The following SLC25A26 variants were observed in gnomAD, a reference collection of about 807,000 sequenced individuals.
SLC25A26 encodes mitochondrial S-adenosylmethionine carrier protein.
A neutral mutation model predicts 37.8 loss-of-function variants in SLC25A26; 36 were observed. That is an observed-to-expected ratio of 0.95 (90% confidence interval 0.73 to 1.26). The LOEUF is 1.26. Ranked by LOEUF, SLC25A26 falls within the 50% of genes most tolerant of loss-of-function variation. SLC25A26 has a pLI of 0.00. For synonymous variants in SLC25A26, 129 were observed against 122.5 expected (o/e 1.05, Z -0.35); for missense variants, 390 against 331.1 (o/e 1.18, Z -1.38).
intron 1 of SLC25A26, among the ~76,000 whole-genome samples, chr3:66,137,461 C>T (rs1380894758): frequency 6.6e-6 from 1 of 152,158 alleles, no homozygotes; most frequent in African/African-American, 2.4e-5. Context: ...CTCCTGACCA[C>T]AGGGGATCCA....
At chr3:66,250,388 G>A (rs1476489098) in intron 3 of SLC25A26, among the ~76,000 whole-genome samples, 1 of 152,218 alleles carries the variant, frequency 6.6e-6, no homozygotes, top group African/African-American at 2.4e-5. Context: ...AGGAACTATA[G>A]ACGGTCCGTG....
chr3:66,209,088 AT>A (rs2071233084), intron 1 of SLC25A26, among the ~76,000 whole-genome samples: 6 of 35,598 alleles, frequency 1.7e-4, no homozygotes, highest in African/African-American at 1.7e-4. Context: ...CCATATAAAG[AT>A]GTATATATAT....
intron 1 of SLC25A26, among the ~76,000 whole-genome samples, chr3:66,142,894 G>A (rs1159039208): frequency 6.6e-6 from 1 of 152,080 alleles, no homozygotes; most frequent in Non-Finnish European, 1.5e-5. Context: ...CTCCTGAGTA[G>A]CTGGGATTAC....
At chr3:66,174,589 G>A (rs748816035) in intron 1 of SLC25A26, among the ~76,000 whole-genome samples, 2 of 152,130 alleles carry the variant, frequency 1.3e-5, no homozygotes, top group Non-Finnish European at 1.5e-5. Context: ...GACCATCCTG[G>A]CTAACACGGT....
chr3:66,260,121 G>A (rs1173734391), intron 3 of SLC25A26, among the ~76,000 whole-genome samples: 1 of 152,024 alleles, frequency 6.6e-6, no homozygotes, highest in Non-Finnish European at 1.5e-5. Flanking sequence ...TGTAATCTTG[G>A]GCAGTTTCTC....
chr3:66,304,369 C>G, intron 5 of SLC25A26: 1 of 451,518 alleles, frequency 2.2e-6, no homozygotes, highest in Non-Finnish European at 4.4e-6. Context: ...TGTCTCATAT[C>G]TAAGCTAATA....
intron 5 of SLC25A26, among the ~76,000 whole-genome samples, chr3:66,327,883 G>A (rs2075876889): frequency 7.9e-6 from 1 of 126,638 alleles, no homozygotes; most frequent in African/African-American, 3.3e-5. Context: ...TACAAGTAGG[G>A]GATTTTTTTT....
intron 1 of SLC25A26, among the ~76,000 whole-genome samples, chr3:66,186,632 T>C (rs1042228925): frequency 2.1e-4 from 32 of 152,114 alleles, no homozygotes; most frequent in Admixed American, 1.4e-3. Flanking sequence ...ATGAAAACAA[T>C]TGGGACCCTC....
At chr3:66,335,894 G>A (rs1175718379) in intron 5 of SLC25A26, among the ~76,000 whole-genome samples, 2 of 152,166 alleles carry the variant, frequency 1.3e-5, no homozygotes, top group Non-Finnish European at 2.9e-5. Context: ...AAAGTTGGTG[G>A]TGGTGGGGAG....
intron 6 of SLC25A26, among the ~76,000 whole-genome samples, chr3:66,360,473 G>A (rs961551420): frequency 2.0e-5 from 3 of 152,126 alleles, no homozygotes; most frequent in African/African-American, 4.8e-5. Flanking sequence ...CAGATGATAC[G>A]GTCATCTATG....
chr3:66,184,283 C>A (rs1471932498), intron 1 of SLC25A26, among the ~76,000 whole-genome samples: 1 of 151,998 alleles, frequency 6.6e-6, no homozygotes, highest in Non-Finnish European at 1.5e-5. Context: ...GACTTTCCCA[C>A]CCTCATCATG....
intron 1 of SLC25A26, among the ~76,000 whole-genome samples, chr3:66,189,705 A>G (rs2070900025): frequency 6.6e-6 from 1 of 152,128 alleles, no homozygotes; most frequent in Non-Finnish European, 1.5e-5. Flanking sequence ...TCTGTTGCCC[A>G]AGTGGGAGTG....
chr3:66,363,580 A>G (rs1372409153), intron 7 of SLC25A26, among the ~76,000 whole-genome samples: 1 of 152,246 alleles, frequency 6.6e-6, no homozygotes, highest in South Asian at 2.1e-4. Flanking sequence ...TTAATAAGTG[A>G]TATGTTTAAA....
chr3:66,358,331 G>T (rs1403216911), intron 6 of SLC25A26, among the ~76,000 whole-genome samples: 1 of 152,102 alleles, frequency 6.6e-6, no homozygotes, highest in East Asian at 1.9e-4. Context: ...TTTTAGATTG[G>T]TCTCAATATT....
At chr3:66,286,512 A>G (rs1332482596) in intron 5 of SLC25A26, among the ~76,000 whole-genome samples, 1 of 151,990 alleles carries the variant, frequency 6.6e-6, no homozygotes, top group East Asian at 1.9e-4. Flanking sequence ...CCAGATTTGT[A>G]TGGGTCTGTA....
At chr3:66,141,147 C>A (rs2070027663) in intron 1 of SLC25A26, among the ~76,000 whole-genome samples, 1 of 151,380 alleles carries the variant, frequency 6.6e-6, no homozygotes, top group African/African-American at 2.4e-5. Context: ...TCTTTGTTGC[C>A]ATAGTATTCT....
chr3:66,136,886 ATAACAAAGAGAGAGCT>A (rs1224504136), intron 1 of SLC25A26, among the ~76,000 whole-genome samples: 2 of 152,236 alleles, frequency 1.3e-5, no homozygotes, highest in African/African-American at 4.8e-5. Flanking sequence ...TCTCCCTTTC[ATAACAAAGAGAGAGCT>A]TAACAAAGAG....
At chr3:66,362,802 A>C in intron 6 of SLC25A26, 58 bp from the exon 7 acceptor site, 1 of 1,241,862 alleles carries the variant, frequency 8.1e-7, no homozygotes, top group South Asian at 1.4e-5. Flanking sequence ...AACCCACAGG[A>C]GGTTCCGATA....
At chr3:66,152,035 G>A (rs2070216618) in intron 1 of SLC25A26, among the ~76,000 whole-genome samples, 1 of 152,124 alleles carries the variant, frequency 6.6e-6, no homozygotes, top group African/African-American at 2.4e-5. Flanking sequence ...ATCAAATTAG[G>A]GAAGCCAATA....
Sources: gnomAD v4.1 joint callset for allele counts (sites outside exome capture counted in the v4.1 genomes callset) on GRCh38, gnomAD v4.1.1 for gene constraint, MANE v1.5 for transcripts, NCBI Gene and HGNC (gene_info 2026-07-23, HGNC 2026-07-21) for gene names.